PRKCB: variants seen among roughly 807,000 people sequenced by gnomAD.
PRKCB encodes the protein protein kinase C beta type.
A neutral mutation model predicts 81.5 loss-of-function variants in PRKCB; 13 were observed. That is an observed-to-expected ratio of 0.16 (90% confidence interval 0.10 to 0.25). The LOEUF is 0.25. Among genes scored for constraint, PRKCB ranks in the 10% least tolerant of loss-of-function variants. PRKCB has a pLI of 1.00. For missense variants in PRKCB, 509 were observed against 875.7 expected (o/e 0.58, Z 5.29); for synonymous variants, 335 against 321.4 (o/e 1.04, Z -0.45).
chr16:23,864,210 T>A (rs770324898), intron 2 of PRKCB, among the ~76,000 whole-genome samples: 3 of 152,214 alleles, frequency 2.0e-5, no homozygotes, highest in Non-Finnish European at 2.9e-5. Flanking sequence ...AAACACCATC[T>A]CTGCTCAGTG....
intron 5 of PRKCB, among the ~76,000 whole-genome samples, chr16:24,045,384 G>C (rs1315920666): frequency 6.6e-6 from 1 of 152,094 alleles, no homozygotes; most frequent in Non-Finnish European, 1.5e-5. Flanking sequence ...CATGGTGTTT[G>C]ATGTTTTTTG....
intron 2 of PRKCB, among the ~76,000 whole-genome samples, chr16:23,853,367 G>A (rs961983375): frequency 6.6e-6 from 1 of 152,198 alleles, no homozygotes; most frequent in Non-Finnish European, 1.5e-5. Context: ...AGTGGAAGGG[G>A]AAAGGGAAAT....
At chr16:24,018,760 A>C (rs1266101395) in intron 3 of PRKCB, among the ~76,000 whole-genome samples, 1 of 152,244 alleles carries the variant, frequency 6.6e-6, no homozygotes. Flanking sequence ...AAGTGTTTAC[A>C]TGGTGTTATT....
chr16:24,172,169 C>G (rs1967450879), intron 10 of PRKCB, 101 bp from the exon 11 acceptor site: 1 of 819,484 alleles, frequency 1.2e-6, no homozygotes. Flanking sequence ...GTCAGAGAGC[C>G]CTGGTAGTTT....
intron 7 of PRKCB, among the ~76,000 whole-genome samples, chr16:24,108,312 T>A (rs957646136): frequency 2.5e-4 from 38 of 149,198 alleles, no homozygotes; most frequent in Admixed American, 1.3e-4. Flanking sequence ...TTTAATTGAT[T>A]GACTTTTTAT....
intron 16 of PRKCB, among the ~76,000 whole-genome samples, chr16:24,207,692 G>T (rs995176220): frequency 6.6e-6 from 1 of 152,064 alleles, no homozygotes; most frequent in Admixed American, 6.6e-5. Context: ...TTCCTCTGAC[G>T]ATTCTTTGAT....
At chr16:23,938,078 C>G (rs1409978191) in intron 2 of PRKCB, among the ~76,000 whole-genome samples, 2 of 152,190 alleles carry the variant, frequency 1.3e-5, no homozygotes, top group East Asian at 3.8e-4. Flanking sequence ...TGCCCTCCAA[C>G]CATGGCTTGA....
At chr16:23,971,649 AGGTTGCCCATCTCTCAG>A (rs1296247346) in intron 2 of PRKCB, among the ~76,000 whole-genome samples, 3 of 152,160 alleles carry the variant, frequency 2.0e-5, no homozygotes, top group Admixed American at 6.5e-5. Flanking sequence ...AGCCCCCGCG[AGGTTGCCCATCTCTCAG>A]GGTTTCCTCT....
chr16:23,931,185 T>C (rs761696532), intron 2 of PRKCB, among the ~76,000 whole-genome samples: 12 of 152,264 alleles, frequency 7.9e-5, no homozygotes, highest in Non-Finnish European at 1.6e-4. Flanking sequence ...TTAATGCCGC[T>C]GTTAGCCCCA....
intron 5 of PRKCB, among the ~76,000 whole-genome samples, chr16:24,070,872 A>G (rs1966099018): frequency 6.6e-6 from 1 of 152,240 alleles, no homozygotes; most frequent in Non-Finnish European, 1.5e-5. Flanking sequence ...AAGCAAGTAC[A>G]TATCTCTCTA....
In PRKCB at chr16:23,924,147, CTGAGT is replaced by C. The variant is rs372383389; in HGVS notation, c.206-64360_206-64356del. On this transcript the variant is annotated intron_variant, in intron 2 of 16. Transcript: ENST00000643927. ...TTTCTCCCATGCTGTTCTCATGATA[CTGAGT>C]GAGTTCTCACAAGAGCTGATGGTTT... 3.6e-4 allele frequency among the ~76,000 whole-genome samples: 54 copies of C among 151,118 alleles called. No homozygotes were observed. In the South Asian group the frequency reaches 0.011, roughly 30 times the overall value.
intron 7 of PRKCB, among the ~76,000 whole-genome samples, chr16:24,107,162 C>T (rs111720628): frequency 5.9e-5 from 9 of 152,212 alleles, no homozygotes; most frequent in African/African-American, 1.9e-4. Flanking sequence ...GTAGTCTTTC[C>T]CACTCTCGTA....
intron 16 of PRKCB, among the ~76,000 whole-genome samples, chr16:24,199,021 G>A (rs190631768): frequency 8.5e-5 from 13 of 152,174 alleles, no homozygotes; most frequent in Admixed American, 4.6e-4. Flanking sequence ...TCTTGTTACC[G>A]ATTCTTATCT....
At chr16:24,208,922 C>A (rs574387904) in intron 16 of PRKCB, among the ~76,000 whole-genome samples, 7 of 152,290 alleles carry the variant, frequency 4.6e-5, no homozygotes, top group African/African-American at 1.4e-4. Flanking sequence ...CTCTGTATCG[C>A]ACCCCCTTGG....
At chr16:24,148,028 A>G (rs1173166273) in intron 9 of PRKCB, among the ~76,000 whole-genome samples, 1 of 152,086 alleles carries the variant, frequency 6.6e-6, no homozygotes, top group Non-Finnish European at 1.5e-5. Flanking sequence ...TCTATTAGAG[A>G]CAATTGTCTG....
chr16:24,148,511 C>A (rs1967027261), intron 9 of PRKCB, among the ~76,000 whole-genome samples: 1 of 152,192 alleles, frequency 6.6e-6, no homozygotes, highest in Non-Finnish European at 1.5e-5. Context: ...CTGGATAAAA[C>A]TAGGAAAGTT....
At chr16:23,958,900 G>A (rs757026856) in intron 2 of PRKCB, among the ~76,000 whole-genome samples, 7 of 152,220 alleles carry the variant, frequency 4.6e-5, no homozygotes, top group South Asian at 2.1e-4. Flanking sequence ...CGTAGTGGTG[G>A]TTCCGAGCCA....
chr16:24,021,098 T>G (rs1464538402), intron 3 of PRKCB, among the ~76,000 whole-genome samples: 1 of 140,728 alleles, frequency 7.1e-6, no homozygotes, highest in Non-Finnish European at 1.5e-5. Flanking sequence ...TTTTTTTCTT[T>G]CTTTCTTTCC....
rs749210728 is a variant in PRKCB, at chr16:24,218,717, C to T, written c.*3901C>T. The T allele has an allele frequency of 1.3e-4, 127 of 985,496 alleles. 1 individual carries two copies. Among genetic ancestry groups the T allele is most frequent in the Middle Eastern group, 5.2e-4 (1 of 1,916 alleles). 61.0% of individuals were successfully genotyped at this position (985,496 alleles called of 1,614,324 possible). A position where few individuals can be genotyped will look rare whatever the true frequency, so the allele number is the denominator to read the frequency against. ...AAAGCCTGGGTGGTGATGGCTCAAACGCTAATGAGTCAGTGAATCCTTACC... is the reference window on the plus strand; with the variant it reads ...AAAGCCTGGGTGGTGATGGCTCAAATGCTAATGAGTCAGTGAATCCTTACC... On this transcript the variant is annotated 3_prime_UTR_variant, in exon 17 of 17. Transcript: ENST00000643927.
Sources: gnomAD v4.1 joint callset for allele counts (sites outside exome capture counted in the v4.1 genomes callset) on GRCh38, gnomAD v4.1.1 for gene constraint, MANE v1.5 for transcripts, NCBI Gene and HGNC (gene_info 2026-07-23, HGNC 2026-07-21) for gene names.